ITK: variants seen among roughly 807,000 people sequenced by gnomAD.
ITK encodes tyrosine-protein kinase ITK/TSK.
Under a neutral mutation model 87.6 loss-of-function variants are expected in ITK, and 45 were observed. The observed-to-expected ratio is 0.51, with a 90% CI of 0.40 to 0.66. ITK has a LOEUF of 0.66. Ranked by LOEUF, ITK falls within the 30% of genes least tolerant of loss-of-function variation. The pLI is 0.00. For missense variants in ITK, 605 were observed against 766.3 expected (o/e 0.79, Z 2.48); for synonymous variants, 303 against 273.6 (o/e 1.11, Z -1.06).
At chr5:157,195,234 C>T (rs163428) in intron 1 of ITK, 80,967 of 151,924 alleles carry the variant, frequency 0.53, 22,039 homozygotes, top group African/African-American at 0.65. Flanking sequence ...TCCAAACAAG[C>T]TCATTGTAAA....
chr5:157,186,627 G>A (rs1753647705), intron 1 of ITK, among the ~76,000 whole-genome samples: 1 of 151,898 alleles, frequency 6.6e-6, no homozygotes. Flanking sequence ...AGAGAGCCAA[G>A]ATTGTGCGAT....
intron 1 of ITK, among the ~76,000 whole-genome samples, chr5:157,184,971 G>A (rs1010506022): frequency 2.6e-5 from 4 of 152,138 alleles, no homozygotes; most frequent in African/African-American, 9.7e-5. Flanking sequence ...AAGCATCTGG[G>A]TGAGGGTCTC....
Position 157,244,371 on chromosome 5 carries a change from C to T in ITK, c.1342C>T (p.Arg448Cys), listed in dbSNP as rs143652027. Reference protein sequence around the residue: ...MEHGCLSDYLRTQRGLFAAET... With the variant: ...MEHGCLSDYLCTQRGLFAAET... Reference sequence around the variant, plus strand: ...GCACGGCTGCCTGTCAGATTATCTACGCACCCAGCGGGGACTTTTTGCTGC... The same window carrying T: ...GCACGGCTGCCTGTCAGATTATCTATGCACCCAGCGGGGACTTTTTGCTGC... Residue 448 changes from arginine to cysteine, a missense_variant, in exon 13 of 17, where the codon CGC (arginine) becomes TGC (cysteine). Physicochemically the swap from Arg to Cys is radical, Grantham distance 180. This residue lies in a region of ITK where 464 missense variants were observed against 578.0 expected (regional missense o/e 0.80). Coordinates refer to ENST00000422843, the MANE Select transcript of ITK (RefSeq NM_005546.4). 3.6e-5 allele frequency: 58 copies of T among 1,613,796 alleles called. No homozygotes were observed. The highest frequency in any genetic ancestry group is 1.3e-4 in the South Asian group (12 of 91,074).
intron 1 of ITK, among the ~76,000 whole-genome samples, chr5:157,193,859 A>T (rs1023352979): frequency 2.0e-4 from 30 of 152,032 alleles, no homozygotes; most frequent in African/African-American, 6.7e-4. Flanking sequence ...CAGCAGAAAC[A>T]TCATCAACAG....
intron 1 of ITK, among the ~76,000 whole-genome samples, chr5:157,201,117 TAAAC>T (rs1753962719): frequency 1.3e-5 from 2 of 152,056 alleles, no homozygotes; most frequent in Non-Finnish European, 2.9e-5. Context: ...AACATTTCAA[TAAAC>T]AAAGAAAAAT....
At chr5:157,238,328 G>A (rs979879612) in intron 9 of ITK, 137 bp downstream of exon 9, 28 of 729,788 alleles carry the variant, frequency 3.8e-5, no homozygotes, top group East Asian at 3.0e-4. Flanking sequence ...TCTTTACTCC[G>A]AGAAAACCAA....
chr5:157,187,649 G>C (rs1275488249), intron 1 of ITK, among the ~76,000 whole-genome samples: 1 of 152,064 alleles, frequency 6.6e-6, no homozygotes, highest in African/African-American at 2.4e-5. Flanking sequence ...TTAAGTGCTG[G>C]GTCAGAAAGG....
At chr5:157,207,036 CA>C (rs1008259728) in intron 1 of ITK, among the ~76,000 whole-genome samples, 21 of 151,792 alleles carry the variant, frequency 1.4e-4, no homozygotes, top group Non-Finnish European at 2.2e-4. Flanking sequence ...ATTTTTAAAA[CA>C]AAAAAACTAA....
intron 1 of ITK, among the ~76,000 whole-genome samples, chr5:157,204,396 A>G (rs1260201340): frequency 6.6e-6 from 1 of 151,832 alleles, no homozygotes; most frequent in East Asian, 1.9e-4. Context: ...CCCCATCTCT[A>G]CTAAAATACA....
intron 1 of ITK, chr5:157,199,494 A>G (rs936607343): frequency 6.6e-6 from 1 of 152,204 alleles, no homozygotes. Flanking sequence ...TGGGACAGAA[A>G]CAAAGCTCTG....
chr5:157,197,492 A>T (rs1235346009), intron 1 of ITK, among the ~76,000 whole-genome samples: 1 of 152,248 alleles, frequency 6.6e-6, no homozygotes, highest in Non-Finnish European at 1.5e-5. Flanking sequence ...TCATAAGAAT[A>T]TATAACTTTG....
intron 3 of ITK, among the ~76,000 whole-genome samples, chr5:157,212,490 A>G (rs977905949): frequency 6.6e-6 from 1 of 152,212 alleles, no homozygotes; most frequent in Non-Finnish European, 1.5e-5. Flanking sequence ...CTCCGTTCTT[A>G]CAGTCTTGGG....
chr5:157,186,876 G>A (rs978124425), intron 1 of ITK, among the ~76,000 whole-genome samples: 2 of 152,136 alleles, frequency 1.3e-5, no homozygotes, highest in African/African-American at 4.8e-5. Flanking sequence ...CCTCCACATG[G>A]CAACCAGCAC....
chr5:157,212,722 C>G (rs930897639), intron 3 of ITK, among the ~76,000 whole-genome samples: 9 of 152,154 alleles, frequency 5.9e-5, no homozygotes, highest in Non-Finnish European at 1.3e-4. Context: ...CATGGTGGCA[C>G]ATGCCTGTGC....
chr5:157,224,831 A>G (rs1040407848), intron 6 of ITK, among the ~76,000 whole-genome samples: 3 of 152,162 alleles, frequency 2.0e-5, no homozygotes, highest in African/African-American at 4.8e-5. Context: ...GTATGATTGT[A>G]TTATTAGTAT....
chr5:157,211,136 G>T, intron 2 of ITK, 151 bp from the exon 3 acceptor site: 1 of 696,594 alleles, frequency 1.4e-6, no homozygotes, highest in Admixed American at 2.0e-5. Context: ...CCAAACACCT[G>T]GATAAAAAGG....
intron 15 of ITK, 124 bp from the exon 16 acceptor site, chr5:157,248,726 A>T: frequency 9.2e-7 from 1 of 1,084,336 alleles, no homozygotes; most frequent in Non-Finnish European, 1.4e-6. Context: ...GGTAGACTTG[A>T]TGCACTTCTG....
intron 7 of ITK, 127 bp from the exon 8 acceptor site, chr5:157,232,213 C>A: frequency 1.4e-6 from 1 of 701,508 alleles, no homozygotes; most frequent in South Asian, 1.7e-5. Flanking sequence ...ATAAAATACA[C>A]TTAAAATTTT....
At chr5:157,243,884 AT>A in intron 12 of ITK, 90 bp downstream of exon 12, 1 of 1,226,952 alleles carries the variant, frequency 8.2e-7, no homozygotes, top group Non-Finnish European at 1.2e-6. Context: ...AGGGGGTACT[AT>A]CTCCCTGCGC....
Sources: allele counts gnomAD v4.1 joint callset (sites outside exome capture counted in the v4.1 genomes callset), GRCh38; gene constraint gnomAD v4.1.1; regional missense constraint gnomAD v4.1.1; transcripts MANE v1.5; gene names NCBI Gene and HGNC (gene_info 2026-07-23, HGNC 2026-07-21).